DOK5: variants seen among roughly 807,000 people sequenced by gnomAD.
DOK5 encodes the protein downstream of tyrosine kinase 5.
In DOK5, 27 loss-of-function variants were observed where a neutral mutation model predicts 43.3. The ratio of observed to expected loss-of-function variants is 0.62; its 90% CI spans 0.46 to 0.86. The LOEUF (loss-of-function observed/expected upper bound fraction) is 0.86. DOK5 is among the 40% of genes least tolerant of loss of function. The probability of loss-of-function intolerance (pLI) is 0.00; values close to 1 mark genes in which losing one functional copy is unlikely to be tolerated. For synonymous variants in DOK5, 146 were observed against 140.1 expected (o/e 1.04, Z -0.30); for missense variants, 373 against 392.9 (o/e 0.95, Z 0.43).
intron 1 of DOK5, among the ~76,000 whole-genome samples, chr20:54,512,749 C>T (rs1281433856): frequency 6.6e-6 from 1 of 152,222 alleles, no homozygotes; most frequent in Non-Finnish European, 1.5e-5. Flanking sequence ...TCTTCGGCCT[C>T]AGTCACTACA....
At chr20:54,497,693 T>C (rs564163350) in intron 1 of DOK5, among the ~76,000 whole-genome samples, 2 of 152,294 alleles carry the variant, frequency 1.3e-5, no homozygotes, top group South Asian at 4.1e-4. Flanking sequence ...TGCATGCTTG[T>C]AGGAAAATGA....
rs568194623 is a variant in DOK5 at position 54,628,720 on chromosome 20, C to T, written c.736-14738C>T. On this transcript the variant is annotated intron_variant, in intron 6 of 7. Transcript: ENST00000262593. Reference sequence around the variant, plus strand: ...AATGAACCTGCTCCGTCAAGCAGAACGAGCCCCCCAAAATGCAGCTAATGT... The same window carrying T: ...AATGAACCTGCTCCGTCAAGCAGAATGAGCCCCCCAAAATGCAGCTAATGT... Among the ~76,000 whole-genome samples the T allele has an allele frequency of 6.6e-5, 10 of 152,172 alleles. No homozygotes were observed. In the East Asian group the frequency reaches 1.9e-3, roughly 29 times the overall value.
intron 7 of DOK5, among the ~76,000 whole-genome samples, chr20:54,648,632 G>A (rs1036516506): frequency 2.0e-5 from 3 of 152,202 alleles, no homozygotes; most frequent in Non-Finnish European, 2.9e-5. Flanking sequence ...AGCCAGTGTG[G>A]CTGGTGCCTA....
intron 2 of DOK5, among the ~76,000 whole-genome samples, chr20:54,563,080 C>T (rs2146737895): frequency 6.6e-6 from 1 of 152,232 alleles, no homozygotes; most frequent in Admixed American, 6.5e-5. Flanking sequence ...AATTAAAAGC[C>T]AAAGGTGTCA....
At position 54,555,031 on chromosome 20, in the gene DOK5, T is replaced by C. The variant is rs1287295749; in HGVS notation, c.165T>C (p.Cys55=). ...FSDERAAYFR[C]YHKVTELNNV... ...ATGAACGTGCTGCATATTTCAGGTGTTATCATAAGGTAAGACTCAATTGCT... is the reference window on the plus strand; with the variant it reads ...ATGAACGTGCTGCATATTTCAGGTGCTATCATAAGGTAAGACTCAATTGCT... The change falls in exon 2 of 8, where the codon TGT becomes TGC. Residue 55 remains cysteine (C), a synonymous_variant. Transcript: ENST00000262593. The C allele has an allele frequency of 1.2e-6, 2 of 1,610,964 alleles. No individual in the cohort carries two copies. The highest frequency in any genetic ancestry group is 1.7e-6 in the Non-Finnish European group (2 of 1,177,292).
chr20:54,498,996 T>C (rs531138130), intron 1 of DOK5, among the ~76,000 whole-genome samples: 60 of 152,310 alleles, frequency 3.9e-4, no homozygotes, highest in African/African-American at 1.3e-3. Flanking sequence ...TGTACAGCAC[T>C]ATATGCTTGT....
At chr20:54,599,191 C>T (rs576179535) in intron 5 of DOK5, among the ~76,000 whole-genome samples, 25 of 152,212 alleles carry the variant, frequency 1.6e-4, no homozygotes, top group African/African-American at 5.8e-4. Context: ...GCTGAGCTCC[C>T]CCAACTATGT....
chr20:54,483,142 C>T (rs549108157), intron 1 of DOK5, among the ~76,000 whole-genome samples: 1 of 152,242 alleles, frequency 6.6e-6, no homozygotes, highest in Admixed American at 6.5e-5. Context: ...CATCATCATC[C>T]CCAAAACTGA....
At chr20:54,621,113 C>T (rs1986962620) in intron 6 of DOK5, among the ~76,000 whole-genome samples, 1 of 152,166 alleles carries the variant, frequency 6.6e-6, no homozygotes, top group Admixed American at 6.5e-5. Flanking sequence ...TGGATTCTGA[C>T]ACCTTCACTA....
chr20:54,477,770 A>G (rs1315678139), intron 1 of DOK5, among the ~76,000 whole-genome samples: 1 of 152,232 alleles, frequency 6.6e-6, no homozygotes, highest in East Asian at 1.9e-4. Context: ...ATGCATTATT[A>G]ATGCACAAAA....
intron 1 of DOK5, among the ~76,000 whole-genome samples, chr20:54,536,355 T>C (rs146266337): frequency 8.9e-4 from 136 of 152,294 alleles, no homozygotes; most frequent in African/African-American, 3.2e-3. Context: ...GGTTTAACCA[T>C]GTGAGATAAA....
At chr20:54,514,512 T>A (rs1447104239) in intron 1 of DOK5, among the ~76,000 whole-genome samples, 5 of 151,724 alleles carry the variant, frequency 3.3e-5, no homozygotes, top group Non-Finnish European at 7.4e-5. Flanking sequence ...CTGAGGAACT[T>A]CAAGTTATTT....
intron 2 of DOK5, among the ~76,000 whole-genome samples, chr20:54,556,286 T>A (rs1016215368): frequency 1.3e-5 from 2 of 152,212 alleles, no homozygotes; most frequent in Non-Finnish European, 2.9e-5. Context: ...TATACCTTTT[T>A]GAGTCCAGAT....
chr20:54,588,288 T>C, intron 2 of DOK5, among the ~76,000 whole-genome samples, 195 bp from the exon 3 acceptor site: 1 of 152,262 alleles, frequency 6.6e-6, no homozygotes, highest in East Asian at 1.9e-4. Context: ...GATAATTTGT[T>C]AACCATCCTT....
chr20:54,602,819 G>T (rs138930269), intron 5 of DOK5, among the ~76,000 whole-genome samples: 4 of 151,900 alleles, frequency 2.6e-5, no homozygotes, highest in Admixed American at 6.6e-5. Context: ...GATTATAGTC[G>T]CACACCGCCA....
chr20:54,566,616 T>C (rs7261336), intron 2 of DOK5, among the ~76,000 whole-genome samples: 6,066 of 152,240 alleles, frequency 0.04, 418 homozygotes, highest in African/African-American at 0.14. Flanking sequence ...ATTTTTATTT[T>C]AGTCATTCTT....
chr20:54,630,535 G>T (rs377347543), intron 6 of DOK5, among the ~76,000 whole-genome samples: 1 of 152,106 alleles, frequency 6.6e-6, no homozygotes, highest in Non-Finnish European at 1.5e-5. Flanking sequence ...GAGAGATAAG[G>T]GTTGCTGATT....
At chr20:54,594,459 T>C (rs1986075057) in intron 5 of DOK5, among the ~76,000 whole-genome samples, 1 of 152,178 alleles carries the variant, frequency 6.6e-6, no homozygotes, top group African/African-American at 2.4e-5. Flanking sequence ...GTAAGGTTGG[T>C]ATATTTTTCC....
chr20:54,576,294 A>G (rs991316576), intron 2 of DOK5, among the ~76,000 whole-genome samples: 2 of 152,168 alleles, frequency 1.3e-5, no homozygotes, highest in Non-Finnish European at 2.9e-5. Context: ...AATAAATTTT[A>G]AATAAATAAA....
Sources: gnomAD v4.1 joint callset for allele counts (sites outside exome capture counted in the v4.1 genomes callset) on GRCh38, gnomAD v4.1.1 for gene constraint, MANE v1.5 for transcripts, NCBI Gene and HGNC (gene_info 2026-07-23, HGNC 2026-07-21) for gene names.